SDR42E2: variants seen among roughly 807,000 people sequenced by gnomAD.
The protein encoded by SDR42E2 is putative short-chain dehydrogenase/reductase family 42E member 2.
In SDR42E2, 20 loss-of-function variants were observed where a neutral mutation model predicts 10.5. That is an observed-to-expected ratio of 1.90 (90% confidence interval 1.34 to 2.77). The LOEUF is 2.77. SDR42E2 is among the 30% of genes most tolerant of loss of function. SDR42E2 has a pLI of 0.00. For synonymous variants in SDR42E2, 72 were observed against 39.2 expected (o/e 1.84, Z -3.12); for missense variants, 162 against 104.2 (o/e 1.55, Z -2.42).
At chr16:22,166,510 G>A in intron 3 of SDR42E2, 76 bp downstream of exon 3, 1 of 402,526 alleles carries the variant, frequency 2.5e-6, no homozygotes. Flanking sequence ...GAAACCTGTG[G>A]TGTGGAGTTT....
intron 12 of SDR42E2, among the ~76,000 whole-genome samples, chr16:22,188,963 A>G (rs1309677318): frequency 6.6e-6 from 1 of 152,168 alleles, no homozygotes; most frequent in Non-Finnish European, 1.5e-5. Flanking sequence ...AATTAGAGCC[A>G]TTCTTGGGAA....
chr16:22,164,781 T>TCTCCTCCTCCTCCTCTTTCTCTTC (rs2046521736), intron 1 of SDR42E2, among the ~76,000 whole-genome samples: 1 of 152,002 alleles, frequency 6.6e-6, no homozygotes, highest in African/African-American at 2.4e-5. Flanking sequence ...CCATGTGGAT[T>TCTCCTCCTCCTCCTCTTTCTCTTC]CTCCTCCTCC....
intron 11 of SDR42E2, among the ~76,000 whole-genome samples, chr16:22,185,594 G>C (rs1302123489): frequency 6.6e-6 from 1 of 152,056 alleles, no homozygotes; most frequent in African/African-American, 2.4e-5. Flanking sequence ...GGAGGAAGTG[G>C]GAGGAAAGCA....
chr16:22,169,281 T>C (rs796790234), intron 4 of SDR42E2, among the ~76,000 whole-genome samples, 164 bp from the exon 5 acceptor site: 6 of 152,236 alleles, frequency 3.9e-5, no homozygotes, highest in African/African-American at 1.4e-4. Context: ...CCCAGGAAGA[T>C]GGTGGCAGAG....
intron 12 of SDR42E2, among the ~76,000 whole-genome samples, chr16:22,187,994 G>C (rs1249766915): frequency 1.3e-5 from 2 of 151,896 alleles, no homozygotes; most frequent in African/African-American, 4.8e-5. Flanking sequence ...TACTCGGGAT[G>C]CTGAGGCAGA....
chr16:22,187,968 T>C (rs890461340), intron 12 of SDR42E2, among the ~76,000 whole-genome samples: 2 of 151,904 alleles, frequency 1.3e-5, no homozygotes, highest in Non-Finnish European at 2.9e-5. Flanking sequence ...TGGTGGCACA[T>C]ACCTGTAGTC....
chr16:22,180,349 A>C (rs909839202), intron 8 of SDR42E2, among the ~76,000 whole-genome samples: 3 of 152,032 alleles, frequency 2.0e-5, no homozygotes, highest in Admixed American at 2.0e-4. Flanking sequence ...GCAGTGAGCT[A>C]TGATTGCACC....
chr16:22,167,181 T>G (rs1469837679), intron 4 of SDR42E2, among the ~76,000 whole-genome samples, 182 bp downstream of exon 4: 18 of 110,802 alleles, frequency 1.6e-4, no homozygotes, highest in African/African-American at 5.4e-4. Flanking sequence ...TTTTTTTTTT[T>G]TTTTTTTTTT....
rs756154603 is a variant in SDR42E2 at position 22,169,469 on chromosome 16, A to G, written c.361A>G (p.Ile121Val). The G allele has an allele frequency of 1.4e-6, 1 of 703,570 alleles. No individual in the cohort carries two copies. Among genetic ancestry groups the G allele is most frequent in the Non-Finnish European group, 2.6e-6 (1 of 385,128 alleles). 43.6% of individuals were successfully genotyped at this position (703,570 alleles called of 1,614,324 possible). A position where few individuals can be genotyped will look rare whatever the true frequency, so the allele number is the denominator to read the frequency against. ...EKLQKEQIES[I>V]NVGGTKLVID... ...GCTGCAGAAAGAGCAGATTGAGTCT[A>G]TAAATGTTGGAGGCACCAAACTAGT... The change falls in exon 5 of 13, where the codon ATA (isoleucine) becomes GTA (valine). Residue 121 changes from isoleucine to valine, a missense_variant. Physicochemically the swap from Ile to Val is conservative, Grantham distance 29. Transcript: ENST00000602312.
At chr16:22,181,777 ACT>A (rs1387044680) in intron 9 of SDR42E2, 121 bp downstream of exon 9, 1 of 621,560 alleles carries the variant, frequency 1.6e-6, no homozygotes, top group Non-Finnish European at 2.9e-6. Flanking sequence ...GGCTGGTGGG[ACT>A]CTCAGCCCAG....
At chr16:22,174,401 T>C (rs901328043) in intron 7 of SDR42E2, among the ~76,000 whole-genome samples, 33 of 152,168 alleles carry the variant, frequency 2.2e-4, no homozygotes, top group African/African-American at 7.9e-4. Context: ...TCACTCAAGA[T>C]CATCCAGCTG....
chr16:22,171,524 T>A (rs2046600982), intron 6 of SDR42E2, among the ~76,000 whole-genome samples: 1 of 150,460 alleles, frequency 6.6e-6, no homozygotes, highest in Non-Finnish European at 1.5e-5. Flanking sequence ...AGGCGTGTTG[T>A]TTGTTTGTTT....
chr16:22,173,903 GTGTATATATA>G (rs1244298093), intron 7 of SDR42E2, among the ~76,000 whole-genome samples: 15 of 112,772 alleles, frequency 1.3e-4, no homozygotes, highest in Middle Eastern at 4.4e-3. Flanking sequence ...ATATGTGTGT[GTGTATATATA>G]TATATATATA....
At chr16:22,171,462 T>A (rs902399510) in intron 6 of SDR42E2, among the ~76,000 whole-genome samples, 4 of 151,972 alleles carry the variant, frequency 2.6e-5, no homozygotes, top group African/African-American at 9.7e-5. Flanking sequence ...ATGGTCTCCA[T>A]CTCTTGACCT....
chr16:22,189,617 GCA>G (rs2046757074), intron 12 of SDR42E2, among the ~76,000 whole-genome samples: 1 of 152,186 alleles, frequency 6.6e-6, no homozygotes, highest in African/African-American at 2.4e-5. Context: ...AATCAGTTCT[GCA>G]TAATCGAATT....
chr16:22,173,901 G>A (rs368779872), intron 7 of SDR42E2, among the ~76,000 whole-genome samples: 1 of 84,326 alleles, frequency 1.2e-5, no homozygotes, highest in African/African-American at 5.9e-5. Flanking sequence ...ATATATGTGT[G>A]TGTGTATATA....
intron 7 of SDR42E2, among the ~76,000 whole-genome samples, chr16:22,173,064 G>C (rs1165886008): frequency 6.6e-6 from 1 of 152,168 alleles, no homozygotes; most frequent in African/African-American, 2.4e-5. Flanking sequence ...ACAGGCATGA[G>C]CCACCATGCC....
rs1195113341 is a variant in SDR42E2, at chr16:22,165,902, C to CTGGGTCCG, written c.55+266_55+267insGGGTCCGT. Among the ~76,000 whole-genome samples the CTGGGTCCG allele has an allele frequency of 4.9e-4, 73 of 149,672 alleles. 1 individual carries two copies. The highest frequency in any genetic ancestry group is 1.7e-3 in the African/African-American group (66 of 39,388). ...GCTGGGTCCGTACCTGGTCTAGGAG[C>CTGGGTCCG]TAGGTCCGTACCTGGGCCAGGAGCT... is the stretch of plus-strand genomic sequence containing the variant. On this transcript the variant is annotated intron_variant, in intron 2 of 12. Coordinates refer to ENST00000602312, the MANE Select transcript of SDR42E2 (RefSeq NM_001394319.2).
chr16:22,173,373 C>A (rs2046616277), intron 7 of SDR42E2, among the ~76,000 whole-genome samples: 2 of 152,062 alleles, frequency 1.3e-5, no homozygotes. Context: ...GTGCATGCCA[C>A]CACACCTGGC....
Sources: allele counts gnomAD v4.1 joint callset (sites outside exome capture counted in the v4.1 genomes callset), GRCh38; gene constraint gnomAD v4.1.1; transcripts MANE v1.5; gene names NCBI Gene and HGNC (gene_info 2026-07-23, HGNC 2026-07-21).